SLCO1A2: variants seen among roughly 807,000 people sequenced by gnomAD.
SLCO1A2 encodes the protein OATP-1.
Under a neutral mutation model 69.0 loss-of-function variants are expected in SLCO1A2, and 67 were observed. The observed-to-expected ratio is 0.97, with a 90% CI of 0.80 to 1.19. The LOEUF is 1.19. Among genes scored for constraint, SLCO1A2 ranks in the 50% most tolerant of loss-of-function variants. The probability of loss-of-function intolerance (pLI) is 0.00; values close to 1 mark genes in which losing one functional copy is unlikely to be tolerated. For missense variants in SLCO1A2, 787 were observed against 793.7 expected (o/e 0.99, Z 0.10); for synonymous variants, 260 against 265.9 (o/e 0.98, Z 0.22).
chr12:21,324,581 C>A (rs1266729876), intron 2 of SLCO1A2: 1 of 152,094 alleles, frequency 6.6e-6, no homozygotes, highest in Admixed American at 6.6e-5. Flanking sequence ...TGTCATAAAA[C>A]CAGAATACTC....
At chr12:21,397,127 C>A (rs1355007304), upstream of SLCO1A2, among the ~76,000 whole-genome samples, 1 of 152,044 alleles carries the variant, frequency 6.6e-6, no homozygotes, top group Non-Finnish European at 1.5e-5. Context: ...TCGGGAGACC[C>A]ATCTCACGTG....
intron 2 of SLCO1A2, among the ~76,000 whole-genome samples, chr12:21,363,908 G>A (rs2137059282): frequency 6.6e-6 from 1 of 152,152 alleles, no homozygotes; most frequent in East Asian, 1.9e-4. Flanking sequence ...ATAATTAATA[G>A]CCTACCAACC....
At chr12:21,407,370 A>G (rs913154354) in intron 1 of SLCO1A2, among the ~76,000 whole-genome samples, 7 of 152,180 alleles carry the variant, frequency 4.6e-5, no homozygotes, top group African/African-American at 1.7e-4. Context: ...AACAAGATGC[A>G]GTTGGAGCGT....
At chr12:21,398,840 ACT>A (rs1941578576), upstream of SLCO1A2, among the ~76,000 whole-genome samples, 1 of 148,488 alleles carries the variant, frequency 6.7e-6, no homozygotes, top group Non-Finnish European at 1.5e-5. Context: ...CATGCTAAAA[ACT>A]CTCAATAAAT....
chr12:21,292,092 G>C, intron 12 of SLCO1A2, 72 bp downstream of exon 12: 2 of 1,088,522 alleles, frequency 1.8e-6, no homozygotes. Context: ...TGAGTCCTGA[G>C]TGACTTTCTT....
intron 2 of SLCO1A2, among the ~76,000 whole-genome samples, chr12:21,320,285 C>A (rs1337959373): frequency 1.3e-5 from 2 of 152,148 alleles, no homozygotes; most frequent in African/African-American, 2.4e-5. Flanking sequence ...CATTCTCTCT[C>A]TTCATGATCA....
chr12:21,326,225 C>A (rs568714680), intron 2 of SLCO1A2, among the ~76,000 whole-genome samples: 1 of 152,180 alleles, frequency 6.6e-6, no homozygotes, highest in Non-Finnish European at 1.5e-5. Flanking sequence ...CCATGTGGAA[C>A]TGTGAGTTCA....
intron 2 of SLCO1A2, among the ~76,000 whole-genome samples, chr12:21,323,805 A>G (rs1452791563): frequency 2.6e-5 from 4 of 152,188 alleles, no homozygotes; most frequent in Non-Finnish European, 5.9e-5. Flanking sequence ...CCAGCTGTTT[A>G]GGCATCGTGT....
chr12:21,316,522 A>T (rs1397217367), intron 3 of SLCO1A2, among the ~76,000 whole-genome samples: 1 of 150,812 alleles, frequency 6.6e-6, no homozygotes, highest in Admixed American at 6.6e-5. Flanking sequence ...GTCTAACTGG[A>T]TATTTCTAAT....
intron 1 of SLCO1A2, among the ~76,000 whole-genome samples, chr12:21,389,383 G>T (rs1308096097): frequency 6.6e-6 from 1 of 151,868 alleles, no homozygotes; most frequent in African/African-American, 2.4e-5. Context: ...CCACAAATAT[G>T]GTCAAAATGT....
In SLCO1A2 at chr12:21,385,828, A is replaced by G. The variant is rs142830288; in HGVS notation, c.-190+9078T>C. Among the ~76,000 whole-genome samples the G allele has an allele frequency of 2.6e-3, 403 of 152,330 alleles. 2 individuals carry two copies. The highest frequency in any genetic ancestry group is 3.3e-3 in the Non-Finnish European group (226 of 68,030). On this transcript the variant is annotated intron_variant, in intron 1 of 15. Transcript: ENST00000307378. ...AACAGAAACAGATTTGTTTTTCTGA[A>G]GCTTCATCAGCCTTCTGAAAACAGT... is the stretch of plus-strand genomic sequence containing the variant.
intron 6 of SLCO1A2, among the ~76,000 whole-genome samples, chr12:21,303,225 T>C (rs1948941852): frequency 6.6e-6 from 1 of 152,126 alleles, no homozygotes. Context: ...CTCATTTTAA[T>C]ATGTATAGAG....
upstream of SLCO1A2, among the ~76,000 whole-genome samples, chr12:21,399,007 G>C (rs1420386375): frequency 2.0e-5 from 3 of 150,176 alleles, no homozygotes. Context: ...TCAACAGAGT[G>C]TTGGAAGTTC....
intron 12 of SLCO1A2, among the ~76,000 whole-genome samples, chr12:21,286,729 T>C (rs1490540796): frequency 1.1e-5 from 1 of 93,354 alleles, no homozygotes; most frequent in African/African-American, 4.8e-5. Context: ...ATCTGATCTT[T>C]GACAAACCTG....
At chr12:21,282,357 GA>G (rs980683341) in intron 12 of SLCO1A2, among the ~76,000 whole-genome samples, 1 of 150,980 alleles carries the variant, frequency 6.6e-6, no homozygotes, top group African/African-American at 2.4e-5. Context: ...AATTAATGTG[GA>G]AAAAACATTT....
intron 2 of SLCO1A2, among the ~76,000 whole-genome samples, chr12:21,369,285 T>C (rs1939614703): frequency 6.6e-6 from 1 of 152,220 alleles, no homozygotes; most frequent in Non-Finnish European, 1.5e-5. Flanking sequence ...ATGTTATGAT[T>C]ATGAATATGA....
chr12:21,413,242 T>TTTTC (rs1555133923), intron 1 of SLCO1A2, among the ~76,000 whole-genome samples: 4 of 127,244 alleles, frequency 3.1e-5, no homozygotes, highest in Admixed American at 7.8e-5. Context: ...TTTTTCTTTT[T>TTTTC]TTTTTTTTTT....
chr12:21,286,753 A>AT (rs1232173690), intron 12 of SLCO1A2, among the ~76,000 whole-genome samples: 1,203 of 92,000 alleles, frequency 0.013, 9 homozygotes, highest in Non-Finnish European at 0.017. Context: ...AAAACAAGCA[A>AT]TGGGGAAAGG....
chr12:21,292,723 G>A (rs1219619429), intron 11 of SLCO1A2, among the ~76,000 whole-genome samples: 4 of 151,970 alleles, frequency 2.6e-5, no homozygotes, highest in South Asian at 2.1e-4. Flanking sequence ...AGCCTCTGGG[G>A]TAGCTGGGAC....
Sources: gnomAD v4.1 joint callset for allele counts (sites outside exome capture counted in the v4.1 genomes callset) on GRCh38, gnomAD v4.1.1 for gene constraint, MANE v1.5 for transcripts, NCBI Gene and HGNC (gene_info 2026-07-23, HGNC 2026-07-21) for gene names.